Variants in CELF2 observed in about 807,000 individuals in gnomAD.
CELF2 encodes CUGBP Elav-like family member 2, also known as CUG triplet repeat RNA-binding protein 2.
Under a neutral mutation model 62.6 loss-of-function variants are expected in CELF2, and 8 were observed. The observed-to-expected ratio is 0.13, with a 90% CI of 0.07 to 0.23. The LOEUF (loss-of-function observed/expected upper bound fraction) is 0.23. Among genes scored for constraint, CELF2 ranks in the 10% least tolerant of loss-of-function variants. CELF2 has a pLI of 1.00. For missense variants in CELF2, 333 were observed against 671.0 expected (o/e 0.50, Z 5.56); for synonymous variants, 258 against 250.0 (o/e 1.03, Z -0.30).
intron 2 of CELF2, chr10:10,960,503 G>A (rs973795117): frequency 1.3e-5 from 2 of 152,228 alleles, no homozygotes; most frequent in Admixed American, 6.5e-5. Context: ...ACTGAGGTTC[G>A]TCAGGGTGAC....
intron 12 of CELF2, among the ~76,000 whole-genome samples, chr10:11,327,018 AT>A (rs1254795769): frequency 2.6e-5 from 4 of 152,176 alleles, no homozygotes; most frequent in African/African-American, 9.7e-5. Flanking sequence ...AATTTGTGCT[AT>A]CACCCAGGAA....
At chr10:11,275,550 C>A (rs2085724648) in intron 8 of CELF2, among the ~76,000 whole-genome samples, 1 of 152,162 alleles carries the variant, frequency 6.6e-6, no homozygotes. Context: ...GTAATGAAAG[C>A]CAGGATTGCA....
At chr10:10,501,084 T>C in the CELF2 span, among the ~76,000 whole-genome samples, 1 of 152,238 alleles carries the variant, frequency 6.6e-6, no homozygotes, top group Non-Finnish European at 1.5e-5. Context: ...CTATCAACAT[T>C]CCTGTACAGT....
At position 11,332,096 on chromosome 10, in the gene CELF2, ATTC is replaced by A. The variant is rs1243442139; in HGVS notation, c.*3044_*3046del. 2.7e-5 allele frequency: 4 copies of A among 148,580 alleles called. No individual in the cohort carries two copies. The highest frequency in any genetic ancestry group is 4.4e-5 in the Non-Finnish European group (3 of 68,022). The allele number at this position is 148,580 out of a possible 1,614,324, so 9.2% of individuals were successfully genotyped here. On this transcript the variant is annotated 3_prime_UTR_variant, in exon 13 of 13. Coordinates refer to ENST00000633077, the MANE Select transcript of CELF2 (RefSeq NM_001326342.2). ...ATTATTTCTCATTTTTGGGAAAAGAATTCCTAATGTGCTACTAGAATTCCTTCT... is the reference window on the plus strand; with the variant it reads ...ATTATTTCTCATTTTTGGGAAAAGAACTAATGTGCTACTAGAATTCCTTCT...
At chr10:10,956,276 C>G (rs139406706) in intron 2 of CELF2, among the ~76,000 whole-genome samples, 1 of 152,198 alleles carries the variant, frequency 6.6e-6, no homozygotes, top group Non-Finnish European at 1.5e-5. Context: ...TATCTCTGCT[C>G]TATTTCTTCA....
chr10:10,490,580 G>A, the CELF2 span, among the ~76,000 whole-genome samples: 3 of 151,738 alleles, frequency 2.0e-5, no homozygotes, highest in African/African-American at 7.3e-5. Context: ...GGGGGGGGTG[G>A]AGCATGTGCA....
At chr10:10,906,231 A>G (rs2063330195) in intron 1 of CELF2, among the ~76,000 whole-genome samples, 2 of 152,212 alleles carry the variant, frequency 1.3e-5, no homozygotes, top group Non-Finnish European at 1.5e-5. Context: ...CTTAATTTCC[A>G]GAGTTGTACT....
At chr10:10,645,532 T>C in the CELF2 span, among the ~76,000 whole-genome samples, 16 of 152,258 alleles carry the variant, frequency 1.1e-4, no homozygotes, top group African/African-American at 3.9e-4. Context: ...CACGCCCATG[T>C]AGTCCCAGCT....
At chr10:10,689,636 C>T in the CELF2 span, among the ~76,000 whole-genome samples, 285 of 152,230 alleles carry the variant, frequency 1.9e-3, 2 homozygotes, top group African/African-American at 6.3e-3. Flanking sequence ...GAATTTACTC[C>T]TAAGCTAACA....
the CELF2 span, among the ~76,000 whole-genome samples, chr10:10,764,620 T>C: frequency 6.6e-6 from 1 of 152,340 alleles, no homozygotes; most frequent in East Asian, 1.9e-4. Context: ...TAAAACACAT[T>C]TAAAGGGTCA....
chr10:10,907,857 G>A (rs1430699235), intron 1 of CELF2, among the ~76,000 whole-genome samples: 1 of 152,174 alleles, frequency 6.6e-6, no homozygotes, highest in Non-Finnish European at 1.5e-5. Context: ...CAGAGGTAAT[G>A]ATGGATACCA....
chr10:10,545,071 G>T, the CELF2 span, among the ~76,000 whole-genome samples: 27 of 152,266 alleles, frequency 1.8e-4, no homozygotes, highest in African/African-American at 5.5e-4. Flanking sequence ...ACACGCGTAG[G>T]ACTGAGCAAT....
rs190173341 is a variant in CELF2 at position 11,008,150 on chromosome 10, A to G, written c.53+2710A>G. Among the ~76,000 whole-genome samples, 1 of 152,344 alleles carries G rather than the reference A, an allele frequency of 6.6e-6. No homozygotes were observed. The highest frequency in any genetic ancestry group is 2.4e-5 in the African/African-American group (1 of 41,580). On this transcript the variant is annotated intron_variant, in intron 1 of 12. Transcript: ENST00000416382. The surrounding 1 kb of genome is among the most constrained non-coding windows in gnomAD (Gnocchi z 4.5). ...AATCTGTATCCTTCCATAAGCCTCT[A>G]TATGTAATGATTCCTCAAGGTAGTG...
chr10:11,099,384 C>T (rs1257400036), intron 1 of CELF2, among the ~76,000 whole-genome samples: 1 of 152,152 alleles, frequency 6.6e-6, no homozygotes, highest in Non-Finnish European at 1.5e-5. Context: ...GGAGAAAAAT[C>T]TGTTTTTCAA....
rs1213824461 is a variant in CELF2, at chr10:11,325,820, T to C, written c.1295-16T>C. Reference sequence around the variant, plus strand: ...CTCAAGGGATACCTTACTCTGACTTTTTTTTTCCTCCTTAGGTCCAGAGGG... The same window carrying C: ...CTCAAGGGATACCTTACTCTGACTTCTTTTTTCCTCCTTAGGTCCAGAGGG... On this transcript the variant is annotated splice_polypyrimidine_tract_variant and intron_variant, in intron 11 of 12. Transcript: ENST00000633077. The C allele has an allele frequency of 3.1e-6, 5 of 1,599,116 alleles. No individual in the cohort carries two copies. In the East Asian group the frequency reaches 8.9e-5, roughly 29 times the overall value.
intron 1 of CELF2, among the ~76,000 whole-genome samples, chr10:10,822,330 C>A (rs2057035300): frequency 6.6e-6 from 1 of 152,222 alleles, no homozygotes; most frequent in Admixed American, 6.5e-5. Context: ...GAAGTCATTG[C>A]CTCTTGACTA....
chr10:10,550,695 T>C, the CELF2 span, among the ~76,000 whole-genome samples: 1,116 of 151,816 alleles, frequency 7.4e-3, 24 homozygotes, highest in South Asian at 0.037. Flanking sequence ...TTCTGTCATG[T>C]GATGTCTTTT....
chr10:11,150,085 G>T (rs1182535020), intron 1 of CELF2, among the ~76,000 whole-genome samples: 3 of 152,170 alleles, frequency 2.0e-5, no homozygotes, highest in African/African-American at 7.2e-5. Context: ...TCCTTGGTGA[G>T]TTTTTAGCTT....
At chr10:11,108,287 A>T (rs2054178796) in intron 1 of CELF2, among the ~76,000 whole-genome samples, 1 of 151,050 alleles carries the variant, frequency 6.6e-6, no homozygotes, top group Admixed American at 6.6e-5. Flanking sequence ...CTGGAAAATT[A>T]GATACTTGCA....
Sources: gnomAD v4.1 joint callset for allele counts (sites outside exome capture counted in the v4.1 genomes callset) on GRCh38, gnomAD v4.1.1 for gene constraint, Gnocchi (gnomAD v3.1) non-coding constraint, MANE v1.5 for transcripts, NCBI Gene and HGNC (gene_info 2026-07-23, HGNC 2026-07-21) for gene names.